The following ARHGAP33 variants were observed in gnomAD, a reference collection of about 807,000 sequenced individuals.
ARHGAP33 encodes the protein Rho GTPase activating protein 33.
In ARHGAP33, 57 loss-of-function variants were observed where a neutral mutation model predicts 126.2. The ratio of observed to expected loss-of-function variants is 0.45; its 90% CI spans 0.36 to 0.56. ARHGAP33 has a LOEUF of 0.56. ARHGAP33 is among the 20% of genes least tolerant of loss of function. The probability of loss-of-function intolerance (pLI) is 0.00; values close to 1 mark genes in which losing one functional copy is unlikely to be tolerated. For synonymous variants in ARHGAP33, 711 were observed against 755.0 expected (o/e 0.94, Z 0.95); for missense variants, 1,500 against 1,748.3 (o/e 0.86, Z 2.53).
At position 35,786,386 on chromosome 19, in the gene ARHGAP33, A is replaced by T. The variant is rs1972109928; in HGVS notation, c.1943-27A>T. ...GGGGCTGTGCGCCCTGTTCTCAGGG[A>T]TGGTCTCACTGACCCCACCCCTCCA... On this transcript the variant is annotated intron_variant, in intron 19 of 20. Transcript: ENST00000007510. The surrounding 1 kb of genome is among the most constrained non-coding windows in gnomAD (Gnocchi z 7.0). The T allele has an allele frequency of 1.3e-6, 2 of 1,512,160 alleles. No individual in the cohort carries two copies. Among genetic ancestry groups the T allele is most frequent in the South Asian group, 2.5e-5 (2 of 79,830 alleles). The allele number at this position is 1,512,160 out of a possible 1,614,324, so 93.7% of individuals were successfully genotyped here.
intron 12 of ARHGAP33, among the ~76,000 whole-genome samples, chr19:35,781,750 A>C (rs1971794704): frequency 6.6e-6 from 1 of 152,194 alleles, no homozygotes; most frequent in South Asian, 2.1e-4. Flanking sequence ...ACAGGAGGCC[A>C]TGGCCAAGGA....
In ARHGAP33 at chr19:35,777,863, C is replaced by G. The variant is rs201806494; in HGVS notation, c.144C>G (p.Asp48Glu). 14 of 1,614,234 alleles carry G rather than the reference C, an allele frequency of 8.7e-6. No individual in the cohort carries two copies. In the Admixed American group the frequency reaches 2.2e-4, roughly 25 times the overall value. ...APRGPFPRLADCAHFHYENVD... is the reference protein window; with the variant it reads ...APRGPFPRLAECAHFHYENVD... The stretch of plus-strand genomic sequence containing the variant: ...GAGGCCCCTTCCCGCGGCTGGCTGA[C>G]TGCGCCCATTTCCACTACGAGAACG... Residue 48 changes from aspartate to glutamate, a missense_variant, in exon 3 of 21, where the codon GAC (aspartate) becomes GAG (glutamate). Coordinates refer to ENST00000007510, the MANE Select transcript of ARHGAP33 (RefSeq NM_001366178.1).
chr19:35,786,421 A>C lies in ARHGAP33; in HGVS notation c.1951A>C (p.Arg651=), dbSNP rs1972112117. The C allele has an allele frequency of 8.5e-6, 13 of 1,531,936 alleles. No individual in the cohort carries two copies. The highest frequency in any genetic ancestry group is 1.1e-5 in the Non-Finnish European group (13 of 1,144,386). The allele number at this position is 1,531,936 out of a possible 1,614,324, so 94.9% of individuals were successfully genotyped here. Residue 651 remains arginine (R), a synonymous_variant, in exon 20 of 21, where the codon AGG becomes CGG. Coordinates refer to ENST00000007510, the MANE Select transcript of ARHGAP33 (RefSeq NM_001366178.1). This position sits in a 1 kb window ranked among gnomAD's most constrained non-coding sequence, Gnocchi z 7.0. ...SSQASGAGLQ[R]LHRLRRPHSS... ...TGACCCCACCCCTCCAGGCCTCCAG[A>C]GGCTGCACAGGCTGCGGCGACCCCA...
At position 35,780,646 on chromosome 19, in the gene ARHGAP33, C is replaced by T. The variant is rs1357519076; in HGVS notation, c.767C>T (p.Ala256Val). The T allele has an allele frequency of 2.0e-5, 25 of 1,236,918 alleles. No individual in the cohort carries two copies. Among genetic ancestry groups the T allele is most frequent in the East Asian group, 5.1e-5 (1 of 19,472 alleles). 76.6% of individuals were successfully genotyped at this position (1,236,918 alleles called of 1,614,324 possible). The stretch of plus-strand genomic sequence containing the variant: ...GAGCGGCCAGGTCCGGGCCTGAAGG[C>T]GGGTAAGTGCCATGGATGGATGGGA... ...FTERPGPGLK[A>V]DADGPPCGIP... is the part of the protein sequence containing the mutation. The change falls in exon 9 of 21, where the codon GCG (alanine) becomes GTG (valine). Residue 256 changes from alanine to valine, a missense_variant and splice_region_variant. Physicochemically the swap from Ala to Val is moderately conservative, Grantham distance 64 (BLOSUM62 0). Coordinates refer to ENST00000007510, the MANE Select transcript of ARHGAP33 (RefSeq NM_001366178.1).
Position 35,787,666 on chromosome 19 carries a change from C to T in ARHGAP33, c.3101C>T (p.Ser1034Phe). 6.3e-7 allele frequency: 1 copy of T among 1,593,472 alleles called. No homozygotes were observed. The highest frequency in any genetic ancestry group is 8.5e-7 in the Non-Finnish European group (1 of 1,174,314). The change falls in exon 21 of 21, where the codon TCC becomes TTC. Residue 1034 changes from serine to phenylalanine, a missense_variant. By Grantham distance (155) the Ser-to-Phe change is radical (BLOSUM62 -2). Around this residue, in one of 6 missense-constraint regions of ARHGAP33, gnomAD observed 642 missense variants for 634.0 expected, o/e 1.01. Coordinates refer to ENST00000007510, the MANE Select transcript of ARHGAP33 (RefSeq NM_001366178.1). ...PSQVPTPGFF[S>F]PAPRECLPPF... Reference sequence around the variant, plus strand: ...CAGGTTCCTACCCCCGGCTTCTTCTCCCCAGCCCCCAGGGAGTGCCTGCCA... The same window carrying T: ...CAGGTTCCTACCCCCGGCTTCTTCTTCCCAGCCCCCAGGGAGTGCCTGCCA...
intron 15 of ARHGAP33, among the ~76,000 whole-genome samples, chr19:35,783,184 T>C (rs558762609): frequency 6.6e-6 from 1 of 152,218 alleles, no homozygotes; most frequent in South Asian, 2.1e-4. Flanking sequence ...GTGAAGTTTT[T>C]AGCGAGAGTG....
chr19:35,782,353 CCTT>C lies in ARHGAP33; in HGVS notation c.1086-19_1086-17del. On this transcript the variant is annotated splice_polypyrimidine_tract_variant and intron_variant, in intron 12 of 20. Transcript: ENST00000007510. The surrounding 1 kb of genome is among the most constrained non-coding windows in gnomAD (Gnocchi z 4.1). ...CCCCTCTGACCTGGATCTTCCTCCT[CCTT>C]GACACGGTGGTCTCAGGCACGAGTT... 1.3e-6 allele frequency: 2 copies of C among 1,593,026 alleles called. No individual in the cohort carries two copies. The highest frequency in any genetic ancestry group is 1.3e-5 in the African/African-American group (1 of 74,712).
At chr19:35,784,469 C>G in intron 16 of ARHGAP33, 152 bp downstream of exon 16, 1 of 1,378,440 alleles carries the variant, frequency 7.3e-7, no homozygotes, top group Non-Finnish European at 9.3e-7. Context: ...CTCTCCCTCC[C>G]CGCGCCCCCC....
At chr19:35,784,919 G>C in intron 16 of ARHGAP33, 34 bp from the exon 17 acceptor site, 1 of 1,519,342 alleles carries the variant, frequency 6.6e-7, no homozygotes, top group South Asian at 1.2e-5. Context: ...GGCGGCCCCA[G>C]AGCTGACAGC....
chr19:35,785,191 G>C lies in ARHGAP33; in HGVS notation c.1724G>C (p.Arg575Thr). 1 of 1,577,242 alleles carries C rather than the reference G, an allele frequency of 6.3e-7. No homozygotes were observed. The highest frequency in any genetic ancestry group is 1.1e-5 in the South Asian group (1 of 88,198). ...PKAPASPAER[R>T]KGERGEKQRK... ...CCTGTTTCTCCCCCAAACCGCAGGA[G>C]GAAAGGGGAGAGAGGGGAGAAGCAG... Residue 575 changes from arginine to threonine, a missense_variant and splice_region_variant, in exon 18 of 21, where the codon AGG (arginine) becomes ACG (threonine). Physicochemically the swap from Arg to Thr is moderately conservative, Grantham distance 71. Around this residue, in one of 6 missense-constraint regions of ARHGAP33, gnomAD observed 300 missense variants for 291.1 expected, o/e 1.03. Transcript: ENST00000007510.
In ARHGAP33 at chr19:35,781,175, C is replaced by T. The variant is rs371442630; in HGVS notation, c.1008C>T (p.Ser336=). The change falls in exon 12 of 21, where the codon TCC becomes TCT. Residue 336 remains serine (S), a synonymous_variant. Transcript: ENST00000007510. ...TGCCCCAGGTGCTGCGCTGCTGCTC[C>T]GAGTTCATTGAGGCCCACGGGGTGG... is the stretch of plus-strand genomic sequence containing the variant. ...QDVPQVLRCC[S]EFIEAHGVVD... is the part of the protein sequence containing the mutation. The T allele has an allele frequency of 4.5e-5, 73 of 1,613,866 alleles. No homozygotes were observed. The East Asian group carries it at 5.4e-4, about 12-fold the overall frequency.
rs949974779 is a variant in ARHGAP33, at chr19:35,786,291, C to G, written c.1943-122C>G. 1 of 1,436,592 alleles carries G rather than the reference C, an allele frequency of 7.0e-7. No individual in the cohort carries two copies. Among genetic ancestry groups the G allele is most frequent in the African/African-American group, 1.4e-5 (1 of 69,722 alleles). 89.0% of individuals were successfully genotyped at this position (1,436,592 alleles called of 1,614,324 possible). On this transcript the variant is annotated intron_variant, in intron 19 of 20. Transcript: ENST00000007510. The surrounding 1 kb of genome is among the most constrained non-coding windows in gnomAD (Gnocchi z 7.0). ...GTCTCCACTGTCAATCTGAACAGCT[C>G]TTCCTGGCTTCACACTACTGTGGCC...
Position 35,784,994 on chromosome 19 carries a change from T to C in ARHGAP33, c.1609T>C (p.Cys537Arg). The C allele has an allele frequency of 6.5e-7, 1 of 1,546,938 alleles. No individual in the cohort carries two copies. The highest frequency in any genetic ancestry group is 8.7e-7 in the Non-Finnish European group (1 of 1,146,848). Residue 537 changes from cysteine to arginine, a missense_variant, in exon 17 of 21, where the codon TGC (cysteine) becomes CGC (arginine). This residue lies in a region of ARHGAP33 where 300 missense variants were observed against 291.1 expected (regional missense o/e 1.03). Coordinates refer to ENST00000007510, the MANE Select transcript of ARHGAP33 (RefSeq NM_001366178.1). ...LPRPKSLAGS[C>R]PSTRLLTLEE... ...CAGGCCCAAGTCCCTTGCGGGCAGC[T>C]GCCCCTCCACCCGCCTGCTGACGCT...
chr19:35,782,639 G>A lies in ARHGAP33; in HGVS notation c.1273G>A (p.Val425Met). The A allele has an allele frequency of 6.2e-7, 1 of 1,613,530 alleles. No individual in the cohort carries two copies. The highest frequency in any genetic ancestry group is 8.5e-7 in the Non-Finnish European group (1 of 1,179,860). Reference sequence around the variant, plus strand: ...TGGGGAGGAGGAGCGTCTGGTGCGGGTGCACGATGTCATCCAGCAGCTGCC... The same window carrying A: ...TGGGGAGGAGGAGCGTCTGGTGCGGATGCACGATGTCATCCAGCAGCTGCC... ...VPGEEERLVR[V>M]HDVIQQLPPP... The change falls in exon 14 of 21, where the codon GTG becomes ATG. Residue 425 changes from valine (V) to methionine (M), a missense_variant. Coordinates refer to ENST00000007510, the MANE Select transcript of ARHGAP33 (RefSeq NM_001366178.1). The surrounding 1 kb of genome is among the most constrained non-coding windows in gnomAD (Gnocchi z 4.1).
chr19:35,780,693 G>A, intron 9 of ARHGAP33, 45 bp downstream of exon 9: 1 of 1,609,542 alleles, frequency 6.2e-7, no homozygotes. Flanking sequence ...GGGTGGGAAG[G>A]GGTGGGGCCT....
chr19:35,775,702 A>C (rs1157500641), intron 1 of ARHGAP33, 38 bp downstream of exon 1: 1 of 1,526,172 alleles, frequency 6.6e-7, no homozygotes, highest in Non-Finnish European at 8.8e-7. Flanking sequence ...GTCCGTCCGG[A>C]TGTCAGTCTG....
At position 35,778,471 on chromosome 19, in the gene ARHGAP33, C is replaced by T; in HGVS notation, c.278C>T (p.Ser93Phe). Reference protein sequence around the residue: ...FGVQVTCQGRSWPVLRSYDDF... With the variant: ...FGVQVTCQGRFWPVLRSYDDF... Reference sequence around the variant, plus strand: ...GTCCCTCTGCTCCCACAGGGCCGTTCCTGGCCGGTTCTCCGGAGTTACGAT... The same window carrying T: ...GTCCCTCTGCTCCCACAGGGCCGTTTCTGGCCGGTTCTCCGGAGTTACGAT... The change falls in exon 5 of 21, where the codon TCC becomes TTC. Residue 93 changes from serine to phenylalanine, a missense_variant. Physicochemically the swap from Ser to Phe is radical, Grantham distance 155. Around this residue, in one of 6 missense-constraint regions of ARHGAP33, gnomAD observed 129 missense variants for 145.9 expected, o/e 0.88. Transcript: ENST00000007510. 6.2e-7 allele frequency: 1 copy of T among 1,614,212 alleles called. No individual in the cohort carries two copies. Among genetic ancestry groups the T allele is most frequent in the South Asian group, 1.1e-5 (1 of 91,086 alleles).
chr19:35,780,949 G>A lies in ARHGAP33; in HGVS notation c.859G>A (p.Gly287Ser), dbSNP rs1381331631. 5 of 1,609,538 alleles carry A rather than the reference G, an allele frequency of 3.1e-6. No homozygotes were observed. Among genetic ancestry groups the A allele is most frequent in the Non-Finnish European group, 4.2e-6 (5 of 1,179,912 alleles). The change falls in exon 11 of 21, where the codon GGC (glycine) becomes AGC (serine). Residue 287 changes from glycine to serine, a missense_variant. Transcript: ENST00000007510. ...GCCACGGCCTCGTGGGAAGCTGGCC[G>A]GCCTGCTCCGCACCTTCATGCGCTC... ...AVPRPRGKLA[G>S]LLRTFMRSRP... is the part of the protein sequence containing the mutation.
intron 6 of ARHGAP33, 24 bp downstream of exon 6, chr19:35,779,148 A>C: frequency 6.5e-7 from 1 of 1,541,566 alleles, no homozygotes; most frequent in African/African-American, 1.4e-5. Flanking sequence ...GGGGGCTTGG[A>C]GATTCCGAGT....
Sources: allele counts gnomAD v4.1 joint callset (sites outside exome capture counted in the v4.1 genomes callset), GRCh38; gene constraint gnomAD v4.1.1; regional missense constraint gnomAD v4.1.1; non-coding constraint Gnocchi (gnomAD v3.1); transcripts MANE v1.5; gene names NCBI Gene and HGNC (gene_info 2026-07-23, HGNC 2026-07-21).